Variants in CFAP54 observed in about 807,000 individuals in gnomAD.
CFAP54 encodes the protein cilia and flagella associated protein 54.
Under a neutral mutation model 370.4 loss-of-function variants are expected in CFAP54, and 290 were observed. The ratio of observed to expected loss-of-function variants is 0.78; its 90% CI spans 0.71 to 0.86. The LOEUF (loss-of-function observed/expected upper bound fraction) is 0.86. Among genes scored for constraint, CFAP54 ranks in the 40% least tolerant of loss-of-function variants. The probability of loss-of-function intolerance (pLI) is 0.00; values close to 1 mark genes in which losing one functional copy is unlikely to be tolerated. For synonymous variants in CFAP54, 1,206 were observed against 1,236.5 expected (o/e 0.98, Z 0.52); for missense variants, 3,399 against 3,528.7 (o/e 0.96, Z 0.93).
At chr12:96,692,508 C>T (rs1242625890) in intron 44 of CFAP54, among the ~76,000 whole-genome samples, 1 of 152,048 alleles carries the variant, frequency 6.6e-6, no homozygotes, top group Non-Finnish European at 1.5e-5. Context: ...AGAAAAGAAA[C>T]TAAATCTCAA....
chr12:96,832,645 C>A (rs968874246), intron 66 of CFAP54, among the ~76,000 whole-genome samples: 17 of 152,138 alleles, frequency 1.1e-4, no homozygotes, highest in Non-Finnish European at 2.5e-4. Context: ...AATTATTCAT[C>A]CCCTAGTCAA....
At chr12:96,578,656 A>T (rs1346215954) in intron 20 of CFAP54, among the ~76,000 whole-genome samples, 1 of 152,144 alleles carries the variant, frequency 6.6e-6, no homozygotes, top group Admixed American at 6.6e-5. Flanking sequence ...TAGGAAGTTT[A>T]TGTGTATTAC....
At chr12:96,598,577 A>G (rs1956204290) in intron 25 of CFAP54, 68 bp from the exon 26 acceptor site, 1 of 477,588 alleles carries the variant, frequency 2.1e-6, no homozygotes, top group Non-Finnish European at 3.7e-6. Flanking sequence ...ATTTGAATGG[A>G]ACATTTTCTA....
Position 96,644,217 on chromosome 12 carries a change from C to A in CFAP54, c.4356C>A (p.Tyr1452Ter), listed in dbSNP as rs763154525. The change falls in exon 33 of 68, where the codon TAC becomes TAA. Residue 1452 changes from tyrosine to a stop codon, truncating the protein, a stop_gained. Transcript: ENST00000524981. LOFTEE classifies it high-confidence loss of function. ...RTSVRKAAQR[Y>*]LMDYLNPLIL... Reference sequence around the variant, plus strand: ...GTGTTAGGAAAGCAGCACAACGATACCTGATGGATTACTTGAATCCTCTAA... The same window carrying A: ...GTGTTAGGAAAGCAGCACAACGATAACTGATGGATTACTTGAATCCTCTAA... 1 of 1,535,834 alleles carries A rather than the reference C, an allele frequency of 6.5e-7. No homozygotes were observed. Among genetic ancestry groups the A allele is most frequent in the South Asian group, 1.2e-5 (1 of 84,040 alleles).
intron 60 of CFAP54, among the ~76,000 whole-genome samples, chr12:96,776,808 T>C (rs1958522087): frequency 6.6e-6 from 1 of 152,364 alleles, no homozygotes; most frequent in South Asian, 2.1e-4. Flanking sequence ...TTTGTAACAT[T>C]GTATATTAGG....
At chr12:96,820,804 T>C (rs952607752) in intron 65 of CFAP54, among the ~76,000 whole-genome samples, 1 of 152,226 alleles carries the variant, frequency 6.6e-6, no homozygotes, top group Non-Finnish European at 1.5e-5. Context: ...AATTCAGCTC[T>C]CTATTTTTAT....
At chr12:96,854,500 A>G (rs183528430) in intron 66 of CFAP54, among the ~76,000 whole-genome samples, 1 of 152,188 alleles carries the variant, frequency 6.6e-6, no homozygotes, top group East Asian at 1.9e-4. Context: ...CATATGACTA[A>G]AAAACAACTT....
At chr12:96,492,412 T>A (rs1954894527) in intron 1 of CFAP54, among the ~76,000 whole-genome samples, 1 of 152,222 alleles carries the variant, frequency 6.6e-6, no homozygotes, top group Non-Finnish European at 1.5e-5. Flanking sequence ...CCATCTTTGT[T>A]GTCTGAATGT....
chr12:96,709,028 G>T (rs953666155), intron 48 of CFAP54, among the ~76,000 whole-genome samples: 8 of 151,992 alleles, frequency 5.3e-5, no homozygotes, highest in Non-Finnish European at 1.2e-4. Flanking sequence ...ACTATCATAT[G>T]TATACACATA....
intron 66 of CFAP54, among the ~76,000 whole-genome samples, chr12:96,834,931 G>A (rs1397377966): frequency 6.6e-6 from 1 of 152,180 alleles, no homozygotes; most frequent in Non-Finnish European, 1.5e-5. Flanking sequence ...CCTGCAGCAG[G>A]TAGCTCCTTT....
intron 60 of CFAP54, among the ~76,000 whole-genome samples, chr12:96,778,558 A>G (rs1279976617): frequency 1.3e-5 from 2 of 152,156 alleles, no homozygotes; most frequent in Admixed American, 6.5e-5. Flanking sequence ...CTCCTTCTCT[A>G]TACATTCTAC....
intron 46 of CFAP54, among the ~76,000 whole-genome samples, chr12:96,700,829 T>C (rs1957483865): frequency 6.6e-6 from 1 of 151,966 alleles, no homozygotes; most frequent in African/African-American, 2.4e-5. Context: ...AGCAAGTCAG[T>C]TTGCCTGGGA....
intron 4 of CFAP54, among the ~76,000 whole-genome samples, chr12:96,509,285 A>G (rs1955140225): frequency 6.6e-6 from 1 of 152,184 alleles, no homozygotes; most frequent in African/African-American, 2.4e-5. Context: ...ACTTCTGGGT[A>G]TCTGGTGGAA....
Position 96,765,102 on chromosome 12 carries a change from A to G in CFAP54, c.8165A>G (p.Asn2722Ser), listed in dbSNP as rs1958386542. 6.7e-7 allele frequency: 1 copy of G among 1,489,864 alleles called. No homozygotes were observed. The highest frequency in any genetic ancestry group is 1.8e-4 in the Middle Eastern group (1 of 5,606). The allele number at this position is 1,489,864 out of a possible 1,614,324, so 92.3% of individuals were successfully genotyped here. The change falls in exon 60 of 68, where the codon AAC becomes AGC. Residue 2722 changes from asparagine (N) to serine (S), a missense_variant. Physicochemically the swap from Asn to Ser is conservative, Grantham distance 46. Coordinates refer to ENST00000524981, the MANE Select transcript of CFAP54 (RefSeq NM_001306084.2). ...AQVSEAVLAINLLIGKKNTRM... is the reference protein window; with the variant it reads ...AQVSEAVLAISLLIGKKNTRM... ...GTCAGTGAAGCTGTGCTGGCAATTA[A>G]CTTACTTATTGGAAAGAAGAATACT...
chr12:96,553,485 G>T (rs927436712), intron 15 of CFAP54, among the ~76,000 whole-genome samples: 1 of 87,580 alleles, frequency 1.1e-5, no homozygotes, highest in African/African-American at 3.8e-5. Flanking sequence ...TATATATATA[G>T]TTATATATAT....
At chr12:96,524,127 G>A (rs989608543) in intron 8 of CFAP54, among the ~76,000 whole-genome samples, 1 of 152,016 alleles carries the variant, frequency 6.6e-6, no homozygotes, top group Non-Finnish European at 1.5e-5. Flanking sequence ...TTCTGGGTTT[G>A]TATGTAAGTT....
intron 26 of CFAP54, among the ~76,000 whole-genome samples, chr12:96,619,838 A>C (rs564371726): frequency 1.3e-4 from 20 of 152,232 alleles, no homozygotes; most frequent in African/African-American, 4.8e-4. Context: ...CTGCTCATAT[A>C]CATTTCATAA....
At chr12:96,776,835 A>G (rs913962750) in intron 60 of CFAP54, among the ~76,000 whole-genome samples, 2 of 152,234 alleles carry the variant, frequency 1.3e-5, no homozygotes, top group African/African-American at 4.8e-5. Flanking sequence ...GAAAATATGG[A>G]CTTCAAATAT....
chr12:96,493,254 A>G (rs1262737716), intron 1 of CFAP54, among the ~76,000 whole-genome samples: 1 of 152,230 alleles, frequency 6.6e-6, no homozygotes, highest in African/African-American at 2.4e-5. Context: ...CACAGTGGTG[A>G]ACAAAATAGA....
Sources: gnomAD v4.1 joint callset for allele counts (sites outside exome capture counted in the v4.1 genomes callset) on GRCh38, gnomAD v4.1.1 for gene constraint, MANE v1.5 for transcripts, NCBI Gene and HGNC (gene_info 2026-07-23, HGNC 2026-07-21) for gene names.